RAB2B: variants seen among roughly 807,000 people sequenced by gnomAD.
RAB2B encodes the protein RAB2B, member RAS oncogene family.
RAB2B carries 20 observed loss-of-function variants against 29.8 expected under a neutral mutation model. The observed-to-expected ratio is 0.67, with a 90% CI of 0.47 to 0.97. The LOEUF is 0.97. RAB2B is among the 50% of genes least tolerant of loss of function. The probability of loss-of-function intolerance (pLI) is 0.00; values close to 1 mark genes in which losing one functional copy is unlikely to be tolerated. For synonymous variants in RAB2B, 93 were observed against 91.7 expected (o/e 1.01, Z -0.08); for missense variants, 218 against 272.0 (o/e 0.80, Z 1.40).
In RAB2B at chr14:21,468,420, C is replaced by CATG; in HGVS notation, c.296_298dup (p.Ser99dup). 1 of 1,613,962 alleles carries CATG rather than the reference C, an allele frequency of 6.2e-7. No homozygotes were observed. The highest frequency in any genetic ancestry group is 1.1e-5 in the South Asian group (1 of 91,054). Reference sequence around the variant, plus strand: ...AGAGTGCTGCCGGGCATCCTCTAACCATGAGGTCAGGTGGTTGAAGGTTTC... The same window carrying CATG: ...AGAGTGCTGCCGGGCATCCTCTAACCATGATGAGGTCAGGTGGTTGAAGGTTTC... On this transcript the variant is annotated inframe_insertion, in exon 5 of 8. Coordinates refer to ENST00000397762, the MANE Select transcript of RAB2B (RefSeq NM_032846.4).
Position 21,460,091 on chromosome 14 carries a change from AAGTAG to A in RAB2B, c.*1100_*1104del. Reference sequence around the variant, plus strand: ...AGAGAAGTACTCAGTGCTCTTGGGCAAGTAGAGGAAACTGCCTTCTACAAGAATTC... The same window carrying A: ...AGAGAAGTACTCAGTGCTCTTGGGCAAGGAAACTGCCTTCTACAAGAATTC... On this transcript the variant is annotated 3_prime_UTR_variant, in exon 8 of 8. Coordinates refer to ENST00000397762, the MANE Select transcript of RAB2B (RefSeq NM_032846.4). 2 of 513,214 alleles carry A rather than the reference AAGTAG, an allele frequency of 3.9e-6. No homozygotes were observed. Among genetic ancestry groups the A allele is most frequent in the South Asian group, 2.8e-5 (2 of 70,964 alleles). 31.8% of individuals were successfully genotyped at this position (513,214 alleles called of 1,614,324 possible).
rs776038536 is a variant in RAB2B, at chr14:21,474,950, G to A, written c.119-16C>T. On this transcript the variant is annotated splice_polypyrimidine_tract_variant and intron_variant, in intron 2 of 7. Coordinates refer to ENST00000397762, the MANE Select transcript of RAB2B (RefSeq NM_032846.4). ...AACTCCACACCTGTCGGTAAAGACC[G>A]AGAGAAAGAATGTGATTCTCACGAA... 1.2e-5 allele frequency: 20 copies of A among 1,611,142 alleles called. No individual in the cohort carries two copies. Among genetic ancestry groups the A allele is most frequent in the Admixed American group, 1.7e-5 (1 of 60,000 alleles).
At position 21,468,371 on chromosome 14, in the gene RAB2B, G is replaced by C. The variant is rs137906771; in HGVS notation, c.348C>G (p.Leu116=). The C allele has an allele frequency of 6.2e-7, 1 of 1,613,142 alleles. No homozygotes were observed. Among genetic ancestry groups the C allele is most frequent in the Non-Finnish European group, 8.5e-7 (1 of 1,179,318 alleles). Reference sequence around the variant, plus strand: ...TACAATTTTACCTCTTATTCCCAATGAGCATGATAACCATGTTGGAACTAG... The same window carrying C: ...TACAATTTTACCTCTTATTCCCAATCAGCATGATAACCATGTTGGAACTAG... The part of the protein sequence containing the change: ...QHSSSNMVIM[L]IGNKSDLESR... The change falls in exon 5 of 8, where the codon CTC becomes CTG. Residue 116 remains leucine (L), a synonymous_variant. Transcript: ENST00000397762.
At position 21,468,726 on chromosome 14, in the gene RAB2B, G is replaced by A. The variant is rs187709383; in HGVS notation, c.213C>T (p.Ile71=). 13 of 1,564,036 alleles carry A rather than the reference G, an allele frequency of 8.3e-6. No individual in the cohort carries two copies. In the Admixed American group the frequency reaches 1.6e-4, roughly 19 times the overall value. Residue 71 remains isoleucine (I), a synonymous_variant, in exon 4 of 8, where the codon ATC becomes ATT. Transcript: ENST00000397762. ...DTAGQESFRS[I]TRSYYRGAAG... ...CTGCTCCCCTGTAGTAGGAACGGGT[G>A]ATAGAACGGAAGGATTCTTGCCCAG...
chr14:21,475,810 T>G (rs1025339920), intron 2 of RAB2B, among the ~76,000 whole-genome samples: 4 of 152,220 alleles, frequency 2.6e-5, no homozygotes, highest in African/African-American at 9.6e-5. Flanking sequence ...AGTGGTAGCT[T>G]CAGGTTTCCA....
chr14:21,465,317 A>C (rs1054967922), intron 5 of RAB2B, among the ~76,000 whole-genome samples: 1 of 152,256 alleles, frequency 6.6e-6, no homozygotes, highest in African/African-American at 2.4e-5. Flanking sequence ...AACGGACTTC[A>C]AACTTAACAC....
In RAB2B at chr14:21,461,976, T is replaced by A. The variant is rs570032921; in HGVS notation, c.543+374A>T. ...GAGGCGGCAAAGTGCAGAAGTAGCA[T>A]ATGATTCTTTTTGTCTTGTTCCAGA... On this transcript the variant is annotated intron_variant, in intron 7 of 7. Coordinates refer to ENST00000397762, the MANE Select transcript of RAB2B (RefSeq NM_032846.4). Among the ~76,000 whole-genome samples, 3 of 152,340 alleles carry A rather than the reference T, an allele frequency of 2.0e-5. No individual in the cohort carries two copies. The East Asian group carries it at 5.8e-4, about 29-fold the overall frequency.
intron 3 of RAB2B, among the ~76,000 whole-genome samples, chr14:21,469,958 CT>C (rs530125573): frequency 4.7e-4 from 52 of 110,306 alleles, no homozygotes; most frequent in South Asian, 1.4e-3. Context: ...TTTTTTTTTT[CT>C]TTTTTTTTTT....
At chr14:21,475,263 A>G (rs1444805674) in intron 2 of RAB2B, among the ~76,000 whole-genome samples, 1 of 152,160 alleles carries the variant, frequency 6.6e-6, no homozygotes, top group Non-Finnish European at 1.5e-5. Flanking sequence ...TTGGTTAGGT[A>G]ACATTTAGTT....
chr14:21,472,977 A>C (rs1594415903), intron 3 of RAB2B, among the ~76,000 whole-genome samples: 2 of 152,170 alleles, frequency 1.3e-5, no homozygotes, highest in African/African-American at 2.4e-5. Flanking sequence ...GGATCACTTG[A>C]GTCCAGGAAT....
In RAB2B at chr14:21,476,873, G is replaced by A; in HGVS notation, c.-1C>T. ...ACTTGAAGAGATAAGCATAAGTCATGGTGTCGCGTCCTCTGGGTTCCGGGT... is the reference window on the plus strand; with the variant it reads ...ACTTGAAGAGATAAGCATAAGTCATAGTGTCGCGTCCTCTGGGTTCCGGGT... On this transcript the variant is annotated 5_prime_UTR_variant, in exon 1 of 8. Coordinates refer to ENST00000397762, the MANE Select transcript of RAB2B (RefSeq NM_032846.4). 1.9e-6 allele frequency: 3 copies of A among 1,613,350 alleles called. No homozygotes were observed. Among genetic ancestry groups the A allele is most frequent in the Non-Finnish European group, 2.5e-6 (3 of 1,180,004 alleles).
At chr14:21,473,006 A>T (rs1489370126) in intron 3 of RAB2B, among the ~76,000 whole-genome samples, 1 of 152,174 alleles carries the variant, frequency 6.6e-6, no homozygotes, top group South Asian at 2.1e-4. Context: ...AGCCTGGGAA[A>T]CATGTTGAAA....
At chr14:21,470,199 C>T (rs1248454168) in intron 3 of RAB2B, among the ~76,000 whole-genome samples, 1 of 151,938 alleles carries the variant, frequency 6.6e-6, no homozygotes, top group Non-Finnish European at 1.5e-5. Flanking sequence ...ATGACCCACC[C>T]GCCTCGGCCT....
rs1290447233 is a variant in RAB2B, at chr14:21,459,125, C to T, written c.*2071G>A. ...AGGGCTGTGGAAGAGAACGGGACATCAAGGAAAAAAGATATATATAGCAAC... is the reference window on the plus strand; with the variant it reads ...AGGGCTGTGGAAGAGAACGGGACATTAAGGAAAAAAGATATATATAGCAAC... On this transcript the variant is annotated 3_prime_UTR_variant, in exon 8 of 8. Coordinates refer to ENST00000397762, the MANE Select transcript of RAB2B (RefSeq NM_032846.4). 6.6e-6 allele frequency: 1 copy of T among 152,468 alleles called. No individual in the cohort carries two copies. Among genetic ancestry groups the T allele is most frequent in the African/African-American group, 2.4e-5 (1 of 41,402 alleles). The allele number at this position is 152,468 out of a possible 1,614,324, so 9.4% of individuals were successfully genotyped here.
chr14:21,475,085 T>C lies in RAB2B; in HGVS notation c.119-151A>G, dbSNP rs78635773. On this transcript the variant is annotated intron_variant, in intron 2 of 7. Coordinates refer to ENST00000397762, the MANE Select transcript of RAB2B (RefSeq NM_032846.4). ...ATTATTGCTGCCTATTTGCTCCAAT[T>C]AATTTTGTGTTTCTTAAGGTTCTTC... is the stretch of plus-strand genomic sequence containing the variant. 4 of 618,830 alleles carry C rather than the reference T, an allele frequency of 6.5e-6. No homozygotes were observed. In the East Asian group the frequency reaches 1.1e-4, roughly 17 times the overall value. 38.3% of individuals were successfully genotyped at this position (618,830 alleles called of 1,614,324 possible). A position where few individuals can be genotyped will look rare whatever the true frequency, so the allele number is the denominator to read the frequency against.
chr14:21,463,346 A>G (rs1432282854), intron 6 of RAB2B, among the ~76,000 whole-genome samples: 2 of 150,062 alleles, frequency 1.3e-5, no homozygotes, highest in African/African-American at 4.9e-5. Context: ...TCCTGGGTTC[A>G]AGCAATTCTC....
intron 3 of RAB2B, among the ~76,000 whole-genome samples, chr14:21,469,008 AT>A (rs1399744890): frequency 6.7e-6 from 1 of 150,184 alleles, no homozygotes; most frequent in Admixed American, 6.8e-5. Flanking sequence ...AGATTAGTGG[AT>A]GTTTAGCATC....
chr14:21,462,237 G>T, intron 7 of RAB2B, 113 bp downstream of exon 7: 3 of 771,798 alleles, frequency 3.9e-6, no homozygotes, highest in Non-Finnish European at 5.8e-6. Context: ...AATTGGCAGA[G>T]CTTTTAAATT....
chr14:21,470,780 G>A (rs76533114), intron 3 of RAB2B, among the ~76,000 whole-genome samples: 1 of 152,248 alleles, frequency 6.6e-6, no homozygotes, highest in South Asian at 2.1e-4. Context: ...AGGCCCACAT[G>A]ATGGTTCAAT....
Sources: allele counts gnomAD v4.1 joint callset (sites outside exome capture counted in the v4.1 genomes callset), GRCh38; gene constraint gnomAD v4.1.1; transcripts MANE v1.5; gene names NCBI Gene and HGNC (gene_info 2026-07-23, HGNC 2026-07-21).